Variants in MAML2 observed in about 807,000 individuals in gnomAD.
MAML2 encodes mastermind like transcriptional coactivator 2.
MAML2 carries 22 observed loss-of-function variants against 96.1 expected under a neutral mutation model. That is an observed-to-expected ratio of 0.23 (90% CI 0.16 to 0.33). The LOEUF (loss-of-function observed/expected upper bound fraction) is 0.33, where lower values mean the gene tolerates loss of function less well. Ranked by LOEUF, MAML2 falls within the 10% of genes least tolerant of loss-of-function variation. The pLI, the probability that MAML2 is intolerant of heterozygous loss-of-function variation, is 1.00. For synonymous variants in MAML2, 561 were observed against 521.3 expected (o/e 1.08, Z -1.04); for missense variants, 1,367 against 1,392.4 (o/e 0.98, Z 0.29).
intron 1 of MAML2, among the ~76,000 whole-genome samples, chr11:96,223,941 G>T (rs1038610412): frequency 5.9e-5 from 9 of 152,138 alleles, no homozygotes; most frequent in Non-Finnish European, 1.3e-4. Flanking sequence ...GTTTCCCAAA[G>T]TATTTTTTGA....
intron 2 of MAML2, among the ~76,000 whole-genome samples, chr11:96,035,255 C>A (rs1470615960): frequency 2.6e-5 from 4 of 152,176 alleles, no homozygotes; most frequent in South Asian, 2.1e-4. Context: ...GGAAAAGAAA[C>A]CACGCTAGAC....
intron 1 of MAML2, among the ~76,000 whole-genome samples, chr11:96,162,537 A>G (rs958482569): frequency 6.6e-6 from 1 of 151,808 alleles, no homozygotes; most frequent in African/African-American, 2.4e-5. Flanking sequence ...CACGTGGAGA[A>G]ACCCTGTCTA....
intron 2 of MAML2, among the ~76,000 whole-genome samples, chr11:96,053,891 C>T (rs977713139): frequency 6.6e-6 from 1 of 152,034 alleles, no homozygotes; most frequent in Admixed American, 6.6e-5. Flanking sequence ...CTGCTCCTTC[C>T]CTCCTTTCAG....
chr11:96,341,854 T>G lies in MAML2; in HGVS notation c.42A>C (p.Leu14=). The G allele has an allele frequency of 6.4e-7, 1 of 1,557,948 alleles. No homozygotes were observed. The highest frequency in any genetic ancestry group is 8.7e-7 in the Non-Finnish European group (1 of 1,155,766). Residue 14 remains leucine, a synonymous_variant, in exon 1 of 5, where the codon CTA becomes CTC. Coordinates refer to ENST00000524717, the MANE Select transcript of MAML2 (RefSeq NM_032427.4). ...GGAGCCCCGCCCCAGAGGCCCCCCC[T>G]AGCCCTCCTGCGGGGGCCTGCGGGG... is the stretch of plus-strand genomic sequence containing the variant. ...TAPPQAPAGG[L]GGASGAGLLG... is the part of the protein sequence containing the mutation.
At chr11:96,072,324 T>A (rs1197983490) in intron 2 of MAML2, among the ~76,000 whole-genome samples, 1 of 152,202 alleles carries the variant, frequency 6.6e-6, no homozygotes, top group African/African-American at 2.4e-5. Flanking sequence ...ATTACCTGCA[T>A]ACTTGCTAAT....
chr11:96,197,467 A>T (rs748006024), intron 1 of MAML2, among the ~76,000 whole-genome samples: 5 of 152,208 alleles, frequency 3.3e-5, no homozygotes, highest in Non-Finnish European at 5.9e-5. Context: ...CAATTGTTTC[A>T]CATGCTTCAA....
At chr11:96,113,143 T>C (rs556190994) in intron 1 of MAML2, among the ~76,000 whole-genome samples, 2 of 139,556 alleles carry the variant, frequency 1.4e-5, no homozygotes, top group South Asian at 4.6e-4. Context: ...AGGAGGAAAA[T>C]AGAACCCAAT....
intron 2 of MAML2, among the ~76,000 whole-genome samples, chr11:96,048,041 G>C (rs1479423753): frequency 1.3e-5 from 2 of 152,014 alleles, no homozygotes; most frequent in Non-Finnish European, 2.9e-5. Flanking sequence ...TATGGAGGTG[G>C]TAGGTGGGGT....
At chr11:96,217,131 T>G (rs995764589) in intron 1 of MAML2, among the ~76,000 whole-genome samples, 13 of 152,240 alleles carry the variant, frequency 8.5e-5, no homozygotes, top group African/African-American at 2.9e-4. Context: ...CATTACATGT[T>G]ACACTGCTGT....
rs1273952743 is a variant in MAML2 at position 96,212,275 on chromosome 11, G to T, written c.514-118758C>A. Among the ~76,000 whole-genome samples the T allele has an allele frequency of 2.0e-5, 3 of 151,868 alleles. No homozygotes were observed. In the South Asian group the frequency reaches 6.2e-4, roughly 32 times the overall value. ...TGAGAAAGTTAAGTTAAAGATAATGGATTTAGGAGCCAGTGTCAGATAGAT... is the reference window on the plus strand; with the variant it reads ...TGAGAAAGTTAAGTTAAAGATAATGTATTTAGGAGCCAGTGTCAGATAGAT... On this transcript the variant is annotated intron_variant, in intron 1 of 4. Transcript: ENST00000524717.
intron 1 of MAML2, among the ~76,000 whole-genome samples, chr11:96,149,236 AC>A (rs1860877741): frequency 6.6e-6 from 1 of 150,528 alleles, no homozygotes; most frequent in Admixed American, 6.6e-5. Context: ...ACATGGTGAA[AC>A]CCTGTCTCTA....
At chr11:96,169,750 G>A (rs1861252974) in intron 1 of MAML2, among the ~76,000 whole-genome samples, 1 of 151,010 alleles carries the variant, frequency 6.6e-6, no homozygotes, top group Non-Finnish European at 1.5e-5. Context: ...TACCTCCCAG[G>A]TTCAAGCGAT....
intron 1 of MAML2, among the ~76,000 whole-genome samples, chr11:96,137,548 A>G (rs904943056): frequency 6.6e-6 from 1 of 152,214 alleles, no homozygotes; most frequent in African/African-American, 2.4e-5. Context: ...GTTTCCTCAC[A>G]TGATCTAAGC....
chr11:96,247,430 C>A (rs1261996572), intron 1 of MAML2, among the ~76,000 whole-genome samples: 3 of 151,986 alleles, frequency 2.0e-5, no homozygotes, highest in Non-Finnish European at 4.4e-5. Flanking sequence ...AAGCATAAAG[C>A]CTAGATCAGA....
intron 2 of MAML2, among the ~76,000 whole-genome samples, chr11:96,045,377 G>C (rs571414814): frequency 6.6e-6 from 1 of 152,140 alleles, no homozygotes; most frequent in Non-Finnish European, 1.5e-5. Flanking sequence ...CTTCCTTTTT[G>C]TGTGGCAGAG....
At chr11:96,005,308 G>GT (rs1211834536) in intron 2 of MAML2, among the ~76,000 whole-genome samples, 1 of 152,116 alleles carries the variant, frequency 6.6e-6, no homozygotes, top group Non-Finnish European at 1.5e-5. Flanking sequence ...CTAGAAATCT[G>GT]TTTATGTGAA....
chr11:96,243,337 GGCTGTCGGGAATT>G (rs1862462980), intron 1 of MAML2, among the ~76,000 whole-genome samples: 1 of 152,200 alleles, frequency 6.6e-6, no homozygotes, highest in Middle Eastern at 3.2e-3. Flanking sequence ...AGGCGGGGTT[GGCTGTCGGGAATT>G]GCCTGCACTC....
intron 2 of MAML2, among the ~76,000 whole-genome samples, chr11:96,020,705 T>C (rs1858423496): frequency 6.6e-6 from 1 of 152,236 alleles, no homozygotes; most frequent in Non-Finnish European, 1.5e-5. Context: ...ATGTCTGCTT[T>C]CAGACAATGT....
intron 2 of MAML2, among the ~76,000 whole-genome samples, chr11:95,997,458 T>C (rs1203565207): frequency 6.6e-6 from 1 of 152,128 alleles, no homozygotes; most frequent in Non-Finnish European, 1.5e-5. Context: ...GTTTGTATTC[T>C]TTTTATAAGG....
Sources: gnomAD v4.1 joint callset for allele counts (sites outside exome capture counted in the v4.1 genomes callset) on GRCh38, gnomAD v4.1.1 for gene constraint, MANE v1.5 for transcripts, NCBI Gene and HGNC (gene_info 2026-07-23, HGNC 2026-07-21) for gene names.